The following DYNC1I2 variants were observed in gnomAD, a reference collection of about 807,000 sequenced individuals.
The protein encoded by DYNC1I2 is dynein cytoplasmic 1 intermediate chain 2.
DYNC1I2 carries 53 observed loss-of-function variants against 88.6 expected under a neutral mutation model. The ratio of observed to expected loss-of-function variants is 0.60; its 90% confidence interval spans 0.48 to 0.75. The LOEUF (loss-of-function observed/expected upper bound fraction) is 0.75, where lower values mean the gene tolerates loss of function less well. Among genes scored for constraint, DYNC1I2 ranks in the 30% least tolerant of loss-of-function variants. The pLI is 0.00. For synonymous variants in DYNC1I2, 198 were observed against 254.6 expected, an observed-to-expected ratio of 0.78 and a Z score of 2.12; for missense variants, 458 against 766.6, an observed-to-expected ratio of 0.60 and a Z score of 4.75.
At chr2:171,715,055 A>G (rs1687392269) in intron 6 of DYNC1I2, among the ~76,000 whole-genome samples, 2 of 152,166 alleles carry the variant, frequency 1.3e-5, no homozygotes, top group Non-Finnish European at 2.9e-5. Flanking sequence ...CTCTTACTTC[A>G]TTATTGCCCG....
intron 3 of DYNC1I2, among the ~76,000 whole-genome samples, chr2:171,699,468 T>C (rs1052864317): frequency 7.9e-5 from 12 of 152,206 alleles, no homozygotes; most frequent in African/African-American, 2.9e-4. Context: ...CTTTTGCTAT[T>C]TTGTAGAATA....
chr2:171,696,559 A>G (rs553259058), intron 3 of DYNC1I2, among the ~76,000 whole-genome samples: 17 of 152,102 alleles, frequency 1.1e-4, no homozygotes, highest in African/African-American at 4.1e-4. Flanking sequence ...TTTCCTATTA[A>G]TTTTATAGTT....
intron 3 of DYNC1I2, among the ~76,000 whole-genome samples, chr2:171,694,235 C>G (rs1224287571): frequency 1.3e-5 from 2 of 151,986 alleles, no homozygotes; most frequent in African/African-American, 4.8e-5. Context: ...CAGGGTTTCA[C>G]CATATTGGCC....
At chr2:171,689,072 T>G (rs1277029487) in intron 1 of DYNC1I2, among the ~76,000 whole-genome samples, 1 of 152,194 alleles carries the variant, frequency 6.6e-6, no homozygotes, top group Non-Finnish European at 1.5e-5. Flanking sequence ...TTTATGCAAT[T>G]GGTTTTTGAA....
In DYNC1I2 at chr2:171,727,829, G is replaced by T. The variant is rs1370401046; in HGVS notation, c.1005G>T (p.Val335=). The T allele has an allele frequency of 6.2e-7, 1 of 1,612,430 alleles. No individual in the cohort carries two copies. Among genetic ancestry groups the T allele is most frequent in the Non-Finnish European group, 8.5e-7 (1 of 1,179,164 alleles). ...PEYVFHCQSA[V]MSATFAKFHP... The stretch of plus-strand genomic sequence containing the variant: ...ATCTTACTTATTTGCAGTCAGCTGT[G>T]ATGTCTGCCACATTTGCAAAATTTC... Residue 335 remains valine (V), a synonymous_variant, in exon 12 of 18, where the codon GTG becomes GTT. Coordinates refer to ENST00000397119, the MANE Select transcript of DYNC1I2 (RefSeq NM_001378.3).
rs1688195836 is a variant in DYNC1I2, at chr2:171,725,612, T to TC, written c.512-6_512-5insC. The TC allele has an allele frequency of 6.9e-6, 10 of 1,450,070 alleles. No homozygotes were observed. In the Admixed American group the frequency reaches 1.9e-4, roughly 27 times the overall value. 89.8% of individuals were successfully genotyped at this position (1,450,070 alleles called of 1,614,324 possible). A position where few individuals can be genotyped will look rare whatever the true frequency, so the allele number is the denominator to read the frequency against. On this transcript the variant is annotated splice_polypyrimidine_tract_variant and splice_region_variant and intron_variant, in intron 7 of 17. Coordinates refer to ENST00000397119, the MANE Select transcript of DYNC1I2 (RefSeq NM_001378.3). ...TTTTTTTGTTTGTTTTTTTTTTTTT[T>TC]TTCAGATGAAGAGGAAGATGATGAT...
chr2:171,699,987 A>G (rs1461952460), intron 3 of DYNC1I2, among the ~76,000 whole-genome samples: 1 of 152,052 alleles, frequency 6.6e-6, no homozygotes, highest in East Asian at 1.9e-4. Flanking sequence ...AAAACAATAA[A>G]CATTTATTAT....
At chr2:171,697,878 AAAGAAAAG>A (rs1414808557) in intron 3 of DYNC1I2, among the ~76,000 whole-genome samples, 1 of 151,776 alleles carries the variant, frequency 6.6e-6, no homozygotes, top group Non-Finnish European at 1.5e-5. Context: ...AAAGAAAAGA[AAAGAAAAG>A]AAGCTTGATT....
rs1331169485 is a variant in DYNC1I2, at chr2:171,708,065, T to TCACACA, written c.335+689_335+690insACACAC. On this transcript the variant is annotated intron_variant, in intron 5 of 17. Coordinates refer to ENST00000397119, the MANE Select transcript of DYNC1I2 (RefSeq NM_001378.3). ...ATTACTACTTATTCCTCTTTGTCTC[T>TCACACA]CTCACACACACACACACACACACAC... 3.5e-4 allele frequency among the ~76,000 whole-genome samples: 52 copies of TCACACA among 148,824 alleles called. 1 individual carries two copies. In the East Asian group the frequency reaches 3.9e-3, roughly 11 times the overall value.
chr2:171,726,594 A>G, intron 10 of DYNC1I2, 197 bp from the exon 11 acceptor site: 1 of 622,646 alleles, frequency 1.6e-6, no homozygotes, highest in Non-Finnish European at 2.5e-6. Context: ...TAACATTAAA[A>G]CATTTAAAAT....
intron 3 of DYNC1I2, among the ~76,000 whole-genome samples, chr2:171,697,423 C>T (rs956525479): frequency 1.3e-5 from 2 of 152,170 alleles, no homozygotes; most frequent in Admixed American, 1.3e-4. Flanking sequence ...TAGACTGTCT[C>T]CCCTCCTGGG....
intron 3 of DYNC1I2, among the ~76,000 whole-genome samples, chr2:171,701,361 G>A (rs574224220): frequency 6.6e-6 from 1 of 152,176 alleles, no homozygotes; most frequent in Admixed American, 6.5e-5. Flanking sequence ...GTAGAGACGG[G>A]GTTTCACCAT....
chr2:171,698,584 C>T (rs1344161744), intron 3 of DYNC1I2, among the ~76,000 whole-genome samples: 1 of 151,968 alleles, frequency 6.6e-6, no homozygotes, highest in Non-Finnish European at 1.5e-5. Flanking sequence ...AACAGGGTCT[C>T]ACAGGCCAGG....
chr2:171,737,264 T>C (rs1268882944), intron 15 of DYNC1I2, among the ~76,000 whole-genome samples: 1 of 152,234 alleles, frequency 6.6e-6, no homozygotes, highest in Non-Finnish European at 1.5e-5. Flanking sequence ...CCAATCATGC[T>C]AGATTTAGGA....
chr2:171,717,752 T>C (rs1304289005), intron 7 of DYNC1I2, among the ~76,000 whole-genome samples: 1 of 152,178 alleles, frequency 6.6e-6, no homozygotes, highest in Non-Finnish European at 1.5e-5. Context: ...GTGACCAGAA[T>C]AACCAAAACG....
intron 6 of DYNC1I2, among the ~76,000 whole-genome samples, chr2:171,713,241 C>G (rs1171102011): frequency 1.3e-5 from 2 of 151,992 alleles, no homozygotes; most frequent in African/African-American, 2.4e-5. Context: ...TTACACTGTT[C>G]ATTCATTCAT....
chr2:171,699,633 T>G (rs981017737), intron 3 of DYNC1I2, among the ~76,000 whole-genome samples: 3 of 137,240 alleles, frequency 2.2e-5, no homozygotes, highest in Non-Finnish European at 4.8e-5. Flanking sequence ...TGTGTGTGTG[T>G]GGCGGCGGGC....
chr2:171,689,394 T>G (rs1685214012), intron 1 of DYNC1I2, among the ~76,000 whole-genome samples: 2 of 152,208 alleles, frequency 1.3e-5, no homozygotes, highest in African/African-American at 2.4e-5. Context: ...TACAGGAAAG[T>G]TCAGTTTGAC....
Position 171,690,385 on chromosome 2 carries a change from T to G in DYNC1I2, c.108+122T>G, listed in dbSNP as rs1685309744. On this transcript the variant is annotated intron_variant, in intron 2 of 17. Transcript: ENST00000397119. Reference sequence around the variant, plus strand: ...CGTGGTTAAAAGTAATGGCAAAAATTATGATTGCTTTTGCACAAACCTAAT... The same window carrying G: ...CGTGGTTAAAAGTAATGGCAAAAATGATGATTGCTTTTGCACAAACCTAAT... 9.2e-6 allele frequency: 6 copies of G among 655,536 alleles called. No homozygotes were observed. In the East Asian group the frequency reaches 1.4e-4, roughly 16 times the overall value. The allele number at this position is 655,536 out of a possible 1,614,324, so 40.6% of individuals were successfully genotyped here. A position where few individuals can be genotyped will look rare whatever the true frequency, so the allele number is the denominator to read the frequency against.
Sources: gnomAD v4.1 joint callset for allele counts (sites outside exome capture counted in the v4.1 genomes callset) on GRCh38, gnomAD v4.1.1 for gene constraint, MANE v1.5 for transcripts, NCBI Gene and HGNC (gene_info 2026-07-23, HGNC 2026-07-21) for gene names.